Variants in GPC6 observed in about 807,000 individuals in gnomAD.
GPC6 encodes glypican-6.
Under a neutral mutation model 55.2 loss-of-function variants are expected in GPC6, and 14 were observed. That is an observed-to-expected ratio of 0.25 (90% CI 0.17 to 0.40). The LOEUF (loss-of-function observed/expected upper bound fraction) is 0.40. Ranked by LOEUF, GPC6 falls within the 10% of genes least tolerant of loss-of-function variation. The pLI is 1.00. For synonymous variants in GPC6, 278 were observed against 259.6 expected (o/e 1.07, Z -0.68); for missense variants, 641 against 708.5 (o/e 0.90, Z 1.08).
chr13:94,393,576 C>T (rs767268533), intron 7 of GPC6, among the ~76,000 whole-genome samples: 4 of 152,188 alleles, frequency 2.6e-5, no homozygotes, highest in Non-Finnish European at 4.4e-5. Flanking sequence ...TTACCCTTCT[C>T]ATTGTGCCTT....
chr13:94,123,644 T>A (rs963119275), intron 4 of GPC6, among the ~76,000 whole-genome samples: 4 of 151,974 alleles, frequency 2.6e-5, no homozygotes, highest in Admixed American at 2.6e-4. Flanking sequence ...ATGCCACAAA[T>A]CTTTGAGCTC....
intron 1 of GPC6, among the ~76,000 whole-genome samples, chr13:93,530,999 G>A (rs781230852): frequency 4.6e-5 from 7 of 152,060 alleles, no homozygotes; most frequent in African/African-American, 1.4e-4. Flanking sequence ...TACTGACTCC[G>A]TTTATAATAT....
intron 6 of GPC6, among the ~76,000 whole-genome samples, chr13:94,316,421 TAAAG>T (rs1344020136): frequency 6.6e-6 from 1 of 152,038 alleles, no homozygotes; most frequent in East Asian, 1.9e-4. Context: ...AAAGTGGCAA[TAAAG>T]AAACAGAATG....
At chr13:93,948,153 A>G (rs946019301) in intron 3 of GPC6, among the ~76,000 whole-genome samples, 2 of 152,184 alleles carry the variant, frequency 1.3e-5, no homozygotes, top group Admixed American at 6.5e-5. Context: ...TTGGAGTGGT[A>G]ACAACAGACA....
At chr13:93,839,643 G>T (rs1312980462) in intron 3 of GPC6, among the ~76,000 whole-genome samples, 9 of 152,102 alleles carry the variant, frequency 5.9e-5, no homozygotes, top group African/African-American at 1.9e-4. Context: ...GGTAGGCAAG[G>T]TATGTGATAC....
At chr13:93,655,402 G>A (rs999084355) in intron 2 of GPC6, among the ~76,000 whole-genome samples, 4 of 152,054 alleles carry the variant, frequency 2.6e-5, no homozygotes, top group African/African-American at 9.7e-5. Context: ...GGTACAGATG[G>A]TGCAGCTTTA....
At chr13:93,919,369 A>G (rs1360304393) in intron 3 of GPC6, among the ~76,000 whole-genome samples, 1 of 152,198 alleles carries the variant, frequency 6.6e-6, no homozygotes, top group African/African-American at 2.4e-5. Context: ...TGCCTTTTCA[A>G]TCTATAAAAA....
At chr13:93,926,855 C>A (rs1415748070) in intron 3 of GPC6, among the ~76,000 whole-genome samples, 1 of 152,030 alleles carries the variant, frequency 6.6e-6, no homozygotes, top group East Asian at 1.9e-4. Context: ...CTAACTAGGG[C>A]AAATGTTTGA....
At chr13:93,599,291 A>T (rs1460568397) in intron 2 of GPC6, among the ~76,000 whole-genome samples, 1 of 151,878 alleles carries the variant, frequency 6.6e-6, no homozygotes, top group African/African-American at 2.4e-5. Context: ...ATTGGTAAAA[A>T]AAAAAAAAAA....
intron 1 of GPC6, among the ~76,000 whole-genome samples, chr13:93,489,346 C>T (rs1270494470): frequency 6.6e-6 from 1 of 151,400 alleles, no homozygotes; most frequent in Non-Finnish European, 1.5e-5. Context: ...GTTTTGGTAC[C>T]AGTACCATGC....
intron 2 of GPC6, among the ~76,000 whole-genome samples, chr13:93,644,171 C>T (rs1237934281): frequency 1.3e-5 from 2 of 152,034 alleles, no homozygotes; most frequent in South Asian, 2.1e-4. Context: ...ACTTTATTTC[C>T]TTTAGGCTCA....
upstream of GPC6, chr13:93,226,479 C>T (rs1173301068): frequency 6.6e-6 from 1 of 152,214 alleles, no homozygotes; most frequent in Non-Finnish European, 1.5e-5. Flanking sequence ...GAACTCCCGT[C>T]TATGACTATT....
intron 1 of GPC6, among the ~76,000 whole-genome samples, chr13:93,303,802 G>A (rs373241642): frequency 6.6e-5 from 10 of 151,850 alleles, no homozygotes; most frequent in East Asian, 3.9e-4. Flanking sequence ...GCAAGGCAGC[G>A]TCCATAGAGT....
At chr13:93,311,041 G>A (rs569975921) in intron 1 of GPC6, among the ~76,000 whole-genome samples, 1 of 152,224 alleles carries the variant, frequency 6.6e-6, no homozygotes, top group South Asian at 2.1e-4. Flanking sequence ...GAAGAGTTGG[G>A]TCTCAAAGGA....
chr13:94,077,119 C>T lies in GPC6; in HGVS notation c.877+49225C>T, dbSNP rs116371247. Among the ~76,000 whole-genome samples, 730 of 151,766 alleles carry T rather than the reference C, an allele frequency of 4.8e-3. 8 individuals are homozygous for T. The highest frequency in any genetic ancestry group is 0.017 in the African/African-American group (690 of 41,490). On this transcript the variant is annotated intron_variant, in intron 4 of 8. Transcript: ENST00000377047. Reference sequence around the variant, plus strand: ...TATTAAGTTTGCTAATCAATGAACACGGGATATTTTTCCATTTATTTGGGT... The same window carrying T: ...TATTAAGTTTGCTAATCAATGAACATGGGATATTTTTCCATTTATTTGGGT...
intron 2 of GPC6, among the ~76,000 whole-genome samples, chr13:93,599,583 T>A (rs1269103330): frequency 6.6e-6 from 1 of 152,154 alleles, no homozygotes; most frequent in Admixed American, 6.5e-5. Context: ...TTGTAGGTTA[T>A]AATGGCAGCT....
chr13:93,457,182 A>G (rs768820001), intron 1 of GPC6, among the ~76,000 whole-genome samples: 12 of 152,212 alleles, frequency 7.9e-5, no homozygotes, highest in Non-Finnish European at 1.8e-4. Flanking sequence ...CTTCATTAGT[A>G]GCATGAGAAT....
At chr13:94,262,253 G>A (rs1298526210) in intron 4 of GPC6, among the ~76,000 whole-genome samples, 1 of 152,162 alleles carries the variant, frequency 6.6e-6, no homozygotes, top group Non-Finnish European at 1.5e-5. Flanking sequence ...AGGCAAGAGT[G>A]AGTTGGGCAG....
chr13:93,579,462 AAGGTGGAAG>A (rs1267032615), intron 2 of GPC6, among the ~76,000 whole-genome samples: 2 of 151,824 alleles, frequency 1.3e-5, no homozygotes, highest in Non-Finnish European at 2.9e-5. Flanking sequence ...GGAGGAGGAG[AAGGTGGAAG>A]AGGAGGAAGA....
Sources: gnomAD v4.1 joint callset for allele counts (sites outside exome capture counted in the v4.1 genomes callset) on GRCh38, gnomAD v4.1.1 for gene constraint, MANE v1.5 for transcripts, NCBI Gene and HGNC (gene_info 2026-07-23, HGNC 2026-07-21) for gene names.